The following PDE4D variants were observed in gnomAD, a reference collection of about 807,000 sequenced individuals.
PDE4D encodes the protein 3',5'-cyclic-AMP phosphodiesterase 4D.
Under a neutral mutation model 87.4 loss-of-function variants are expected in PDE4D, and 24 were observed. The observed-to-expected ratio is 0.27, with a 90% CI of 0.20 to 0.39. The LOEUF (loss-of-function observed/expected upper bound fraction) is 0.39. Ranked by LOEUF, PDE4D falls within the 10% of genes least tolerant of loss-of-function variation. PDE4D has a pLI of 1.00. For missense variants in PDE4D, 714 were observed against 1,041.0 expected (o/e 0.69, Z 4.32); for synonymous variants, 384 against 383.2 (o/e 1.00, Z -0.02).
intron 1 of PDE4D, among the ~76,000 whole-genome samples, chr5:59,493,517 CT>C (rs2153661282): frequency 6.6e-6 from 1 of 152,310 alleles, no homozygotes; most frequent in African/African-American, 2.4e-5. Context: ...ACAGTAAGTT[CT>C]CATTTTTCCC....
At chr5:59,525,776 G>T (rs1489514470) in intron 1 of PDE4D, among the ~76,000 whole-genome samples, 5 of 152,132 alleles carry the variant, frequency 3.3e-5, no homozygotes, top group Non-Finnish European at 1.5e-5. Context: ...GATAGTGAGT[G>T]ACTTCTCAGG....
intron 5 of PDE4D, among the ~76,000 whole-genome samples, chr5:59,100,961 T>C (rs1241562902): frequency 6.6e-6 from 1 of 152,074 alleles, no homozygotes; most frequent in Non-Finnish European, 1.5e-5. Flanking sequence ...AGGACGGCAA[T>C]TGGTATGAAG....
intron 5 of PDE4D, among the ~76,000 whole-genome samples, chr5:59,049,347 G>C (rs13360359): frequency 0.066 from 10,099 of 152,182 alleles, 1,032 homozygotes; most frequent in African/African-American, 0.22. Flanking sequence ...ATACTGGCCT[G>C]GGTGTGGCTT....
intron 1 of PDE4D, among the ~76,000 whole-genome samples, chr5:60,442,765 G>T (rs929408174): frequency 2.0e-5 from 3 of 152,062 alleles, no homozygotes; most frequent in African/African-American, 4.8e-5. Flanking sequence ...TCAAGTTTGG[G>T]TGGATAGAAA....
intron 1 of PDE4D, among the ~76,000 whole-genome samples, chr5:59,575,078 G>A (rs1416057087): frequency 6.6e-6 from 1 of 152,150 alleles, no homozygotes; most frequent in Non-Finnish European, 1.5e-5. Context: ...AATGAGACTA[G>A]AAAGGAGGAG....
intron 1 of PDE4D, among the ~76,000 whole-genome samples, chr5:59,319,260 A>T (rs1198871157): frequency 6.6e-6 from 1 of 152,052 alleles, no homozygotes; most frequent in Admixed American, 6.6e-5. Context: ...AAATAAACAA[A>T]ATAAAATAGT....
intron 1 of PDE4D, among the ~76,000 whole-genome samples, chr5:60,288,576 T>A (rs1253487761): frequency 6.6e-6 from 1 of 152,192 alleles, no homozygotes; most frequent in East Asian, 1.9e-4. Context: ...TAGTGATATG[T>A]ATGAAAAAAA....
At chr5:59,920,807 C>A (rs1158241685) in intron 3 of PDE4D, among the ~76,000 whole-genome samples, 1 of 132,744 alleles carries the variant, frequency 7.5e-6, no homozygotes, top group African/African-American at 2.9e-5. Flanking sequence ...GGGAACTGAA[C>A]AATGAGAACA....
intron 1 of PDE4D, among the ~76,000 whole-genome samples, chr5:60,307,902 A>C (rs949202740): frequency 6.6e-6 from 1 of 152,264 alleles, no homozygotes; most frequent in African/African-American, 2.4e-5. Flanking sequence ...TTAGTGGGGC[A>C]TGGTGGTGGA....
chr5:60,001,149 C>T (rs1281432049), intron 2 of PDE4D, among the ~76,000 whole-genome samples: 1 of 152,122 alleles, frequency 6.6e-6, no homozygotes, highest in Non-Finnish European at 1.5e-5. Flanking sequence ...CATAGACATA[C>T]TCAGAGAGCC....
chr5:59,322,739 C>A (rs947916459), intron 1 of PDE4D, among the ~76,000 whole-genome samples: 3 of 152,062 alleles, frequency 2.0e-5, no homozygotes, highest in African/African-American at 4.8e-5. Context: ...TAAACTGAGG[C>A]CTTACAAAGT....
chr5:60,133,266 A>T (rs1779742727), intron 2 of PDE4D, among the ~76,000 whole-genome samples: 1 of 152,158 alleles, frequency 6.6e-6, no homozygotes, highest in East Asian at 1.9e-4. Flanking sequence ...TAGGCTTTGG[A>T]GACACCTAGA....
At chr5:59,322,682 T>G (rs1774924974) in intron 1 of PDE4D, among the ~76,000 whole-genome samples, 1 of 152,122 alleles carries the variant, frequency 6.6e-6, no homozygotes. Context: ...TTTAGTCACA[T>G]TATGTGCTGT....
At chr5:59,287,229 AT>A (rs1767117718) in intron 1 of PDE4D, among the ~76,000 whole-genome samples, 1 of 152,118 alleles carries the variant, frequency 6.6e-6, no homozygotes, top group South Asian at 2.1e-4. Context: ...CCACAAGCTG[AT>A]TGAAGAGCCC....
chr5:59,839,374 C>A (rs937173700), intron 1 of PDE4D, among the ~76,000 whole-genome samples: 1 of 151,772 alleles, frequency 6.6e-6, no homozygotes, highest in East Asian at 1.9e-4. Context: ...TCAACTCCTG[C>A]CTGGTTGATA....
intron 2 of PDE4D, among the ~76,000 whole-genome samples, chr5:60,013,673 G>T (rs1448527272): frequency 6.6e-6 from 1 of 152,126 alleles, no homozygotes; most frequent in Non-Finnish European, 1.5e-5. Flanking sequence ...TGTTATATGG[G>T]TGACCCATAA....
intron 1 of PDE4D, among the ~76,000 whole-genome samples, chr5:59,514,114 T>C (rs987476009): frequency 6.6e-6 from 1 of 151,808 alleles, no homozygotes; most frequent in Non-Finnish European, 1.5e-5. Context: ...TTTTCTTTTT[T>C]TTTTTTTTTG....
intron 1 of PDE4D, among the ~76,000 whole-genome samples, chr5:59,739,058 T>C (rs969736129): frequency 1.3e-5 from 2 of 152,150 alleles, no homozygotes; most frequent in African/African-American, 2.4e-5. Context: ...TATAGTTGTA[T>C]ATTAAAAAGC....
At position 59,649,905 on chromosome 5, in the gene PDE4D, C is replaced by CTTTTTT. The variant is rs1156467369; in HGVS notation, c.455+243257_455+243262dup. ...GTTAAAATGTTGATAGTTTGTGAACCTTTTTTTTTTTTTTTTTTTTTTTTT... is the reference window on the plus strand; with the variant it reads ...GTTAAAATGTTGATAGTTTGTGAACCTTTTTTTTTTTTTTTTTTTTTTTTTTTTTTT... On this transcript the variant is annotated intron_variant, in intron 1 of 14. Transcript: ENST00000340635. Among the ~76,000 whole-genome samples the CTTTTTT allele has an allele frequency of 5.6e-3, 409 of 72,438 alleles. 59 individuals carry two copies. The highest frequency in any genetic ancestry group is 8.3e-3 in the Non-Finnish European group (352 of 42,166). 47.5% of individuals were successfully genotyped at this position (72,438 alleles called of 152,430 possible).
Sources: gnomAD v4.1 joint callset for allele counts (sites outside exome capture counted in the v4.1 genomes callset) on GRCh38, gnomAD v4.1.1 for gene constraint, MANE v1.5 for transcripts, NCBI Gene and HGNC (gene_info 2026-07-23, HGNC 2026-07-21) for gene names.